The following JPH3 variants were observed in gnomAD, a reference collection of about 807,000 sequenced individuals.
JPH3 encodes junctophilin-3.
JPH3 carries 11 observed loss-of-function variants against 59.6 expected under a neutral mutation model. That is an observed-to-expected ratio of 0.18 (90% confidence interval 0.12 to 0.31). The LOEUF is 0.31. Among genes scored for constraint, JPH3 ranks in the 10% least tolerant of loss-of-function variants. The pLI, the probability that JPH3 is intolerant of heterozygous loss-of-function variation, is 1.00. For synonymous variants in JPH3, 673 were observed against 483.6 expected (o/e 1.39, Z -5.14); for missense variants, 1,202 against 1,105.7 (o/e 1.09, Z -1.24).
chr16:87,603,007 C>T lies in JPH3; in HGVS notation c.-140C>T. On this transcript the variant is annotated 5_prime_UTR_variant, in exon 1 of 5. Coordinates refer to ENST00000284262, the MANE Select transcript of JPH3 (RefSeq NM_020655.4). ...AGCCGGCGCCGCGGCCGCCCGCGCC[C>T]GAGACCGCGCTCCGGGGCCGCGTCC... 1 of 1,079,144 alleles carries T rather than the reference C, an allele frequency of 9.3e-7. No homozygotes were observed. The highest frequency in any genetic ancestry group is 1.3e-6 in the Non-Finnish European group (1 of 774,120). 66.8% of individuals were successfully genotyped at this position (1,079,144 alleles called of 1,614,324 possible). A position where few individuals can be genotyped will look rare whatever the true frequency, so the allele number is the denominator to read the frequency against.
intron 2 of JPH3, among the ~76,000 whole-genome samples, chr16:87,645,268 C>CT (rs2032108220): frequency 1.3e-5 from 2 of 152,158 alleles, no homozygotes; most frequent in Admixed American, 6.5e-5. Context: ...GTGTAGAGGC[C>CT]TACAGCCTCC....
At chr16:87,612,498 G>A (rs1172872877) in intron 1 of JPH3, among the ~76,000 whole-genome samples, 3 of 152,178 alleles carry the variant, frequency 2.0e-5, no homozygotes, top group Admixed American at 2.0e-4. Context: ...TTCAGCGCAG[G>A]TTGAGGACCA....
intron 2 of JPH3, among the ~76,000 whole-genome samples, chr16:87,665,920 A>G (rs2032846309): frequency 6.6e-6 from 1 of 152,166 alleles, no homozygotes; most frequent in Non-Finnish European, 1.5e-5. Flanking sequence ...CCCCCCAGGT[A>G]GCTGGCTGGC....
chr16:87,633,217 G>T (rs7198904), intron 1 of JPH3, among the ~76,000 whole-genome samples: 1 of 151,908 alleles, frequency 6.6e-6, no homozygotes, highest in Non-Finnish European at 1.5e-5. Flanking sequence ...CTTTGTTTTC[G>T]TGGGCTTGTC....
chr16:87,674,249 G>A (rs1035807363), intron 2 of JPH3, among the ~76,000 whole-genome samples: 2 of 152,164 alleles, frequency 1.3e-5, no homozygotes, highest in Non-Finnish European at 2.9e-5. Flanking sequence ...CAGGAGAATG[G>A]CGTGAACCCG....
At chr16:87,610,604 GTAGT>G (rs934973255) in intron 1 of JPH3, among the ~76,000 whole-genome samples, 4 of 152,174 alleles carry the variant, frequency 2.6e-5, no homozygotes, top group African/African-American at 9.7e-5. Flanking sequence ...AGAATTGGAC[GTAGT>G]TAAAGGAAAG....
intron 2 of JPH3, 81 bp from the exon 3 acceptor site, chr16:87,684,061 G>A (rs959804782): frequency 9.9e-7 from 1 of 1,005,906 alleles, no homozygotes; most frequent in African/African-American, 1.6e-5. Flanking sequence ...CCGTTGTTGG[G>A]GGGTTGGCAG....
intron 1 of JPH3, among the ~76,000 whole-genome samples, chr16:87,633,308 C>T (rs555033822): frequency 9.3e-5 from 14 of 151,120 alleles, no homozygotes; most frequent in Non-Finnish European, 1.9e-4. Flanking sequence ...ATTTTTAACT[C>T]AGCCACCTCT....
At chr16:87,668,788 A>G (rs2032940448) in intron 2 of JPH3, among the ~76,000 whole-genome samples, 1 of 152,000 alleles carries the variant, frequency 6.6e-6, no homozygotes, top group African/African-American at 2.4e-5. Context: ...GATTCCAGAC[A>G]CTGCCTCCTC....
intron 4 of JPH3, chr16:87,696,367 CG>C (rs2033853949): frequency 1.7e-6 from 1 of 592,392 alleles, no homozygotes; most frequent in East Asian, 2.8e-5. Context: ...CAACCTCAGA[CG>C]TACAGGCAGC....
At chr16:87,618,610 G>C (rs139394478) in intron 1 of JPH3, among the ~76,000 whole-genome samples, 2 of 152,180 alleles carry the variant, frequency 1.3e-5, no homozygotes, top group Admixed American at 6.5e-5. Flanking sequence ...ACTCGTTCCC[G>C]CCAGCAGCAT....
At chr16:87,674,327 C>T (rs1044266673) in intron 2 of JPH3, among the ~76,000 whole-genome samples, 4 of 143,342 alleles carry the variant, frequency 2.8e-5, no homozygotes, top group South Asian at 2.3e-4. Flanking sequence ...AGCGAGACTC[C>T]GTCTCAAAAA....
chr16:87,695,692 G>T (rs533961995), intron 4 of JPH3: 26 of 452,922 alleles, frequency 5.7e-5, no homozygotes, highest in Non-Finnish European at 1.1e-4. Context: ...CACCCCTGCC[G>T]TCCTGGGAGC....
Position 87,696,674 on chromosome 16 carries a change from T to G in JPH3, c.*14T>G. The G allele has an allele frequency of 6.3e-7, 1 of 1,596,230 alleles. No homozygotes were observed. The highest frequency in any genetic ancestry group is 8.6e-7 in the Non-Finnish European group (1 of 1,164,564). The stretch of plus-strand genomic sequence containing the variant: ...TTTTTCATCTGATGAGATGTCGCGG[T>G]AGCAAAAATAGAGAAAGGGTAGAAA... On this transcript the variant is annotated 3_prime_UTR_variant, in exon 5 of 5. Coordinates refer to ENST00000284262, the MANE Select transcript of JPH3 (RefSeq NM_020655.4).
In JPH3 at chr16:87,649,044, C is replaced by G. The variant is rs373636842; in HGVS notation, c.1160+4009C>G. On this transcript the variant is annotated intron_variant, in intron 2 of 4. Transcript: ENST00000284262. ...ACACGGGTCGGAGGCAGAGTCCAGC[C>G]CAGCAAGGGTGTGGCAGTGGAGACG... is the stretch of plus-strand genomic sequence containing the variant. Among the ~76,000 whole-genome samples the G allele has an allele frequency of 3.3e-5, 5 of 152,288 alleles. No homozygotes were observed. In the South Asian group the frequency reaches 1.0e-3, roughly 32 times the overall value.
intron 2 of JPH3, among the ~76,000 whole-genome samples, chr16:87,648,920 C>A (rs1357402938): frequency 6.6e-6 from 1 of 152,232 alleles, no homozygotes; most frequent in Non-Finnish European, 1.5e-5. Flanking sequence ...GCAGATGCTG[C>A]TGGCCTGAGC....
chr16:87,637,183 C>G (rs112064334), intron 1 of JPH3, among the ~76,000 whole-genome samples: 5,047 of 152,324 alleles, frequency 0.033, 108 homozygotes, highest in South Asian at 0.054. Flanking sequence ...CCTCACCTCA[C>G]TACGTTGTTT....
chr16:87,664,371 C>G (rs867930789), intron 2 of JPH3, among the ~76,000 whole-genome samples: 1 of 148,538 alleles, frequency 6.7e-6, no homozygotes, highest in Non-Finnish European at 1.5e-5. Context: ...GGCGCGGTGG[C>G]TCACGCAGTT....
intron 1 of JPH3, among the ~76,000 whole-genome samples, chr16:87,620,059 A>G (rs754287393): frequency 2.4e-4 from 37 of 152,198 alleles, no homozygotes; most frequent in Non-Finnish European, 4.7e-4. Flanking sequence ...GTTAAGAAAA[A>G]CAAGAGCCGG....
Sources: allele counts gnomAD v4.1 joint callset (sites outside exome capture counted in the v4.1 genomes callset), GRCh38; gene constraint gnomAD v4.1.1; transcripts MANE v1.5; gene names NCBI Gene and HGNC (gene_info 2026-07-23, HGNC 2026-07-21).